The following GPC5 variants were observed in gnomAD, a reference collection of about 807,000 sequenced individuals.
GPC5 encodes the protein glypican 5.
GPC5 carries 47 observed loss-of-function variants against 53.9 expected under a neutral mutation model. The observed-to-expected ratio is 0.87, with a 90% CI of 0.69 to 1.11. The LOEUF is 1.11. Among genes scored for constraint, GPC5 ranks in the 50% most tolerant of loss-of-function variants. GPC5 has a pLI of 0.00. For missense variants in GPC5, 748 were observed against 713.1 expected (o/e 1.05, Z -0.56); for synonymous variants, 286 against 263.3 (o/e 1.09, Z -0.84).
At chr13:92,370,233 G>T (rs1030545139) in intron 7 of GPC5, among the ~76,000 whole-genome samples, 1 of 152,206 alleles carries the variant, frequency 6.6e-6, no homozygotes, top group African/African-American at 2.4e-5. Context: ...AGTCCGTTGT[G>T]ACAGTATTTG....
chr13:92,796,787 C>T (rs1337396513), intron 7 of GPC5, among the ~76,000 whole-genome samples: 6 of 151,418 alleles, frequency 4.0e-5, no homozygotes, highest in Non-Finnish European at 5.9e-5. Flanking sequence ...TTTTTAAACC[C>T]GATCTCCACT....
intron 6 of GPC5, among the ~76,000 whole-genome samples, chr13:91,977,275 T>A (rs2040312181): frequency 6.6e-6 from 1 of 152,192 alleles, no homozygotes; most frequent in South Asian, 2.1e-4. Flanking sequence ...TCTTAGCTCA[T>A]CATTTTAATT....
intron 6 of GPC5, among the ~76,000 whole-genome samples, chr13:91,969,860 A>C (rs555320191): frequency 6.6e-6 from 1 of 152,144 alleles, no homozygotes. Flanking sequence ...AAAACAAAAA[A>C]AGGATTACAA....
At chr13:92,360,786 G>A (rs2043559596) in intron 7 of GPC5, among the ~76,000 whole-genome samples, 1 of 151,748 alleles carries the variant, frequency 6.6e-6, no homozygotes, top group Non-Finnish European at 1.5e-5. Flanking sequence ...GAAGTTTCAG[G>A]ATACAAAATC....
At chr13:92,732,963 C>T (rs1361602436) in intron 7 of GPC5, among the ~76,000 whole-genome samples, 3 of 151,526 alleles carry the variant, frequency 2.0e-5, no homozygotes, top group East Asian at 1.9e-4. Flanking sequence ...CCCCAAGGTC[C>T]GGGAACTGAT....
rs1285170225 is a variant in GPC5 at position 92,545,123 on chromosome 13, T to C, written c.1562-321159T>C. 4.6e-5 allele frequency among the ~76,000 whole-genome samples: 7 copies of C among 152,008 alleles called. No individual in the cohort carries two copies. The South Asian group carries it at 1.0e-3, about 23-fold the overall frequency. On this transcript the variant is annotated intron_variant, in intron 7 of 7. Coordinates refer to ENST00000377067, the MANE Select transcript of GPC5 (RefSeq NM_004466.6). ...TGTGATGTTCCCCTTCCTGTGTCCA[T>C]GTGTTCTCATTGTTCAATTCCCACC...
chr13:92,578,893 C>T (rs1350392231), intron 7 of GPC5, among the ~76,000 whole-genome samples: 3 of 152,038 alleles, frequency 2.0e-5, no homozygotes, highest in Admixed American at 6.6e-5. Context: ...ACCAAATGGA[C>T]GAATGATATT....
chr13:91,621,019 A>G (rs1414153501), intron 2 of GPC5, among the ~76,000 whole-genome samples: 2 of 152,152 alleles, frequency 1.3e-5, no homozygotes, highest in East Asian at 1.9e-4. Context: ...AGATGTCCAC[A>G]GCCAGAATTA....
chr13:92,162,605 C>T (rs1593947672), intron 7 of GPC5, among the ~76,000 whole-genome samples: 1 of 152,082 alleles, frequency 6.6e-6, no homozygotes, highest in East Asian at 1.9e-4. Flanking sequence ...AAACAGAAAC[C>T]TAAGAATTAG....
intron 7 of GPC5, among the ~76,000 whole-genome samples, chr13:92,648,220 A>G (rs1016418962): frequency 5.3e-5 from 8 of 152,034 alleles, no homozygotes; most frequent in African/African-American, 1.9e-4. Context: ...TTTATCCTCT[A>G]TACACCTCTT....
chr13:92,057,784 T>C (rs2041088044), intron 6 of GPC5, among the ~76,000 whole-genome samples: 1 of 152,168 alleles, frequency 6.6e-6, no homozygotes, highest in Non-Finnish European at 1.5e-5. Flanking sequence ...AGATATGAAA[T>C]ATGGTTGAAG....
At chr13:91,828,184 TTA>T (rs2038603352) in intron 5 of GPC5, among the ~76,000 whole-genome samples, 1 of 152,026 alleles carries the variant, frequency 6.6e-6, no homozygotes. Flanking sequence ...TCAGATTACT[TTA>T]ATGTTTCTTA....
At chr13:91,864,269 A>C (rs971445161) in intron 5 of GPC5, among the ~76,000 whole-genome samples, 10 of 152,344 alleles carry the variant, frequency 6.6e-5, no homozygotes, top group African/African-American at 2.2e-4. Flanking sequence ...GGAGAATTTC[A>C]TAATGACTTT....
intron 1 of GPC5, among the ~76,000 whole-genome samples, chr13:91,445,082 C>T (rs1411332470): frequency 2.6e-5 from 4 of 152,128 alleles, no homozygotes; most frequent in Non-Finnish European, 4.4e-5. Context: ...ATTATTTTTC[C>T]CTTCTTCACG....
At chr13:91,705,451 G>A (rs2036078249) in intron 3 of GPC5, among the ~76,000 whole-genome samples, 1 of 152,196 alleles carries the variant, frequency 6.6e-6, no homozygotes, top group African/African-American at 2.4e-5. Flanking sequence ...GGTTTTGGTA[G>A]AGTCAGTATT....
At chr13:92,716,549 TG>T (rs1888332254) in intron 7 of GPC5, among the ~76,000 whole-genome samples, 1 of 152,072 alleles carries the variant, frequency 6.6e-6, no homozygotes. Flanking sequence ...GCCAGCTCCC[TG>T]GGTAAGGAAT....
At chr13:92,427,000 A>G (rs1315588233) in intron 7 of GPC5, among the ~76,000 whole-genome samples, 1 of 152,020 alleles carries the variant, frequency 6.6e-6, no homozygotes, top group Non-Finnish European at 1.5e-5. Context: ...TCTGACCATT[A>G]CATAGGCTCA....
intron 6 of GPC5, among the ~76,000 whole-genome samples, chr13:92,061,568 TTAA>T (rs1566418268): frequency 2.0e-5 from 3 of 152,194 alleles, no homozygotes; most frequent in Admixed American, 2.0e-4. Context: ...GTTTTAAAAG[TTAA>T]TAATAATTCC....
At chr13:92,663,593 A>C (rs1007234512) in intron 7 of GPC5, among the ~76,000 whole-genome samples, 15 of 85,430 alleles carry the variant, frequency 1.8e-4, no homozygotes, top group Admixed American at 9.1e-4. Context: ...ATATATATAT[A>C]TCTACTATAT....
Sources: gnomAD v4.1 joint callset for allele counts (sites outside exome capture counted in the v4.1 genomes callset) on GRCh38, gnomAD v4.1.1 for gene constraint, MANE v1.5 for transcripts, NCBI Gene and HGNC (gene_info 2026-07-23, HGNC 2026-07-21) for gene names.